PLCB4: variants seen among roughly 807,000 people sequenced by gnomAD.
PLCB4 encodes the protein 1-phosphatidylinositol 4,5-bisphosphate phosphodiesterase beta-4.
Under a neutral mutation model 178.8 loss-of-function variants are expected in PLCB4, and 77 were observed. The observed-to-expected ratio is 0.43, with a 90% CI of 0.36 to 0.52. The LOEUF (loss-of-function observed/expected upper bound fraction) is 0.52, where lower values mean the gene tolerates loss of function less well. Ranked by LOEUF, PLCB4 falls within the 20% of genes least tolerant of loss-of-function variation. The pLI is 0.00. For missense variants in PLCB4, 1,024 were observed against 1,453.4 expected (o/e 0.70, Z 4.80); for synonymous variants, 496 against 490.8 (o/e 1.01, Z -0.14).
At chr20:9,407,864 C>T (rs533570207) in intron 21 of PLCB4, 53 bp from the exon 22 acceptor site, 15 of 1,503,830 alleles carry the variant, frequency 1.0e-5, no homozygotes, top group African/African-American at 7.0e-5. Flanking sequence ...AGCACGTATC[C>T]GTGGGTCCTA....
chr20:9,261,337 A>G (rs545641764), intron 3 of PLCB4, among the ~76,000 whole-genome samples: 160 of 152,364 alleles, frequency 1.1e-3, no homozygotes, highest in African/African-American at 3.5e-3. Context: ...ACAAGAAATT[A>G]AATACTTACA....
intron 2 of PLCB4, among the ~76,000 whole-genome samples, chr20:9,121,372 G>A (rs554787438): frequency 3.9e-5 from 6 of 152,060 alleles, no homozygotes; most frequent in Non-Finnish European, 8.8e-5. Flanking sequence ...TCTGAACGCC[G>A]CTTACGTGTC....
At chr20:9,464,286 A>G (rs914488039) in intron 35 of PLCB4, among the ~76,000 whole-genome samples, 1 of 152,252 alleles carries the variant, frequency 6.6e-6, no homozygotes, top group African/African-American at 2.4e-5. Context: ...AGCAGTGTGT[A>G]GAGGGAAATT....
intron 1 of PLCB4, among the ~76,000 whole-genome samples, chr20:9,079,615 C>A (rs1600254314): frequency 6.6e-6 from 1 of 152,166 alleles, no homozygotes; most frequent in Non-Finnish European, 1.5e-5. Context: ...AGGCCAGTAG[C>A]AGACCCCCAC....
chr20:9,336,472 G>A (rs887830746), intron 4 of PLCB4, among the ~76,000 whole-genome samples: 2 of 152,072 alleles, frequency 1.3e-5, no homozygotes, highest in African/African-American at 2.4e-5. Context: ...TCAAACTTTC[G>A]TGTGTGTTCG....
rs76259321 is a variant in PLCB4 at position 9,450,658 on chromosome 20, C to T, written c.2881-2689C>T. On this transcript the variant is annotated intron_variant, in intron 32 of 39. Transcript: ENST00000378473. ...ACTCAGTTTTCTTTTCTTTTCTTTTCTTTTTTTTTTTTTTTTTTTTGAGAT... is the reference window on the plus strand; with the variant it reads ...ACTCAGTTTTCTTTTCTTTTCTTTTTTTTTTTTTTTTTTTTTTTTTGAGAT... Among the ~76,000 whole-genome samples, 595 of 100,202 alleles carry T rather than the reference C, an allele frequency of 5.9e-3. 3 individuals carry two copies. The highest frequency in any genetic ancestry group is 0.013 in the Middle Eastern group (2 of 152). The allele number at this position is 100,202 out of a possible 152,430, so 65.7% of individuals were successfully genotyped here. A position where few individuals can be genotyped will look rare whatever the true frequency, so the allele number is the denominator to read the frequency against.
At chr20:9,129,276 C>T (rs572877550) in intron 2 of PLCB4, among the ~76,000 whole-genome samples, 1 of 152,092 alleles carries the variant, frequency 6.6e-6, no homozygotes, top group Admixed American at 6.6e-5. Flanking sequence ...AAAGTCAGTC[C>T]CCCTCCCACC....
intron 7 of PLCB4, among the ~76,000 whole-genome samples, chr20:9,351,027 G>GA (rs2034287370): frequency 6.6e-6 from 1 of 152,008 alleles, no homozygotes; most frequent in African/African-American, 2.4e-5. Context: ...TTAGTGGCCT[G>GA]AAAAAAGGAT....
At position 9,241,727 on chromosome 20, in the gene PLCB4, A is replaced by G. The variant is rs545451886; in HGVS notation, c.-16+24275A>G. On this transcript the variant is annotated intron_variant, in intron 3 of 39. Coordinates refer to ENST00000378473, the MANE Select transcript of PLCB4 (RefSeq NM_001377142.1). Reference sequence around the variant, plus strand: ...AGGCAGGAGCCTTGACAAAGTCAGTAGAATCAGAGAATGGAGCTGAAGCAT... The same window carrying G: ...AGGCAGGAGCCTTGACAAAGTCAGTGGAATCAGAGAATGGAGCTGAAGCAT... Among the ~76,000 whole-genome samples, 4 of 152,338 alleles carry G rather than the reference A, an allele frequency of 2.6e-5. 1 individual carries two copies. Among genetic ancestry groups the G allele is most frequent in the South Asian group, 4.1e-4 (2 of 4,824 alleles).
intron 3 of PLCB4, among the ~76,000 whole-genome samples, chr20:9,268,076 A>G (rs1354318603): frequency 1.3e-5 from 2 of 152,230 alleles, no homozygotes; most frequent in Non-Finnish European, 2.9e-5. Flanking sequence ...TGTAAGACAT[A>G]AATTCCTTTT....
intron 2 of PLCB4, among the ~76,000 whole-genome samples, chr20:9,197,428 T>C (rs892209758): frequency 1.3e-5 from 2 of 152,218 alleles, no homozygotes; most frequent in African/African-American, 4.8e-5. Context: ...AAAAATAATG[T>C]AAAATATCTC....
intron 7 of PLCB4, among the ~76,000 whole-genome samples, chr20:9,349,902 G>GT (rs2034172917): frequency 6.6e-6 from 1 of 152,144 alleles, no homozygotes; most frequent in African/African-American, 2.4e-5. Flanking sequence ...GGGCCTACAT[G>GT]TATTTGTATG....
At chr20:9,385,256 T>C (rs1190813261) in intron 14 of PLCB4, among the ~76,000 whole-genome samples, 1 of 152,154 alleles carries the variant, frequency 6.6e-6, no homozygotes, top group African/African-American at 2.4e-5. Flanking sequence ...TTTCCCCACA[T>C]TTCCCCCTTT....
At chr20:9,174,903 C>T (rs933302827) in intron 2 of PLCB4, among the ~76,000 whole-genome samples, 1 of 152,186 alleles carries the variant, frequency 6.6e-6, no homozygotes, top group Non-Finnish European at 1.5e-5. Flanking sequence ...TTATTTGAGG[C>T]AGGAACAATT....
At chr20:9,373,560 T>A (rs1383001091) in intron 12 of PLCB4, among the ~76,000 whole-genome samples, 1 of 152,244 alleles carries the variant, frequency 6.6e-6, no homozygotes, top group Non-Finnish European at 1.5e-5. Context: ...TTTAATGGAT[T>A]GCATGTAAGA....
chr20:9,125,101 G>A (rs990748364), intron 2 of PLCB4, among the ~76,000 whole-genome samples: 2 of 152,100 alleles, frequency 1.3e-5, no homozygotes, highest in African/African-American at 2.4e-5. Flanking sequence ...TTCACCAGGC[G>A]TGTCTCTTGA....
At chr20:9,360,866 A>G (rs868672289) in intron 7 of PLCB4, among the ~76,000 whole-genome samples, 1 of 152,146 alleles carries the variant, frequency 6.6e-6, no homozygotes, top group South Asian at 2.1e-4. Flanking sequence ...ACCTCTTATA[A>G]CCCCTAAGTC....
At chr20:9,279,170 A>G (rs1237822382) in intron 3 of PLCB4, among the ~76,000 whole-genome samples, 1 of 152,100 alleles carries the variant, frequency 6.6e-6, no homozygotes, top group East Asian at 1.9e-4. Flanking sequence ...TTACAAAGTT[A>G]AACCTAAAAT....
chr20:9,303,115 C>G (rs1198179397), intron 3 of PLCB4, among the ~76,000 whole-genome samples: 1 of 152,010 alleles, frequency 6.6e-6, no homozygotes, highest in African/African-American at 2.4e-5. Context: ...TAAGGGGGGT[C>G]TGTGGGTCTA....
Sources: allele counts gnomAD v4.1 joint callset (sites outside exome capture counted in the v4.1 genomes callset), GRCh38; gene constraint gnomAD v4.1.1; transcripts MANE v1.5; gene names NCBI Gene and HGNC (gene_info 2026-07-23, HGNC 2026-07-21).